The following HMGB1 variants were observed in gnomAD, a reference collection of about 807,000 sequenced individuals.
HMGB1 encodes high mobility group protein B1.
For missense variants in HMGB1, 79 were observed against 253.5 expected (o/e 0.31, Z 4.67); for synonymous variants, 81 against 84.0 (o/e 0.96, Z 0.19).
In HMGB1 at chr13:30,585,750, A is replaced by G. The variant is rs779082694; in HGVS notation, c.-15+30921T>C. ...TCTTTTTTAACATCACAAAGCTCTG[A>G]TATCTGCAGGTTTATGACTAACTAC... On this transcript the variant is annotated intron_variant, in intron 1 of 4. Transcript: ENST00000405805. 1.6e-4 allele frequency among the ~76,000 whole-genome samples: 25 copies of G among 152,182 alleles called. 1 individual carries two copies. Among genetic ancestry groups the G allele is most frequent in the Admixed American group, 4.6e-4 (7 of 15,284 alleles).
intron 1 of HMGB1, among the ~76,000 whole-genome samples, chr13:30,525,246 G>A (rs530830286): frequency 1.3e-5 from 2 of 152,328 alleles, no homozygotes; most frequent in African/African-American, 4.8e-5. Context: ...GACATTGTAT[G>A]TTCCTGATAA....
intron 1 of HMGB1, among the ~76,000 whole-genome samples, chr13:30,470,948 C>CTTATTTATTTAT (rs61370575): frequency 4.6e-5 from 7 of 150,956 alleles, no homozygotes; most frequent in African/African-American, 1.7e-4. Flanking sequence ...CATGCCCAGA[C>CTTATTTATTTAT]TTATTTATTT....
At chr13:30,509,752 A>G (rs1312132970) in intron 1 of HMGB1, among the ~76,000 whole-genome samples, 1 of 152,232 alleles carries the variant, frequency 6.6e-6, no homozygotes, top group Admixed American at 6.5e-5. Flanking sequence ...TTCAACATAT[A>G]TAATGCACTG....
chr13:30,482,326 G>A (rs146802953), intron 1 of HMGB1, among the ~76,000 whole-genome samples: 1 of 152,156 alleles, frequency 6.6e-6, no homozygotes, highest in African/African-American at 2.4e-5. Flanking sequence ...ACACACAAAA[G>A]CAACAGGGAG....
intron 1 of HMGB1, among the ~76,000 whole-genome samples, chr13:30,613,992 C>T (rs1300140342): frequency 1.3e-5 from 2 of 151,458 alleles, no homozygotes; most frequent in African/African-American, 4.9e-5. Context: ...TAAGGAAATA[C>T]CTTAAATAAT....
At chr13:30,498,073 C>T (rs1488486598) in intron 1 of HMGB1, among the ~76,000 whole-genome samples, 1 of 152,148 alleles carries the variant, frequency 6.6e-6, no homozygotes, top group Non-Finnish European at 1.5e-5. Flanking sequence ...ACATTCCTAC[C>T]AGCAGTGTGT....
chr13:30,501,966 TA>T (rs1307083738), intron 1 of HMGB1, among the ~76,000 whole-genome samples: 1 of 152,204 alleles, frequency 6.6e-6, no homozygotes, highest in Non-Finnish European at 1.5e-5. Context: ...GCAGATTGAT[TA>T]AAAGATATAC....
At chr13:30,525,880 A>G (rs1019156469) in intron 1 of HMGB1, among the ~76,000 whole-genome samples, 1 of 151,942 alleles carries the variant, frequency 6.6e-6, no homozygotes, top group Non-Finnish European at 1.5e-5. Context: ...GCCTAACCAT[A>G]TAATGGGGGT....
At chr13:30,525,863 A>G (rs1484800192) in intron 1 of HMGB1, among the ~76,000 whole-genome samples, 8 of 129,316 alleles carry the variant, frequency 6.2e-5, no homozygotes, top group Non-Finnish European at 8.5e-5. Context: ...TTGTGGGGGG[A>G]CACAAAGCCT....
chr13:30,617,121 C>A (rs1410972511), exon 1 of HMGB1: 1 of 152,302 alleles, frequency 6.6e-6, no homozygotes, highest in Non-Finnish European at 1.5e-5. Flanking sequence ...CAAGGCAGGG[C>A]AGCTGGAATT....
At chr13:30,561,646 G>C (rs1393121815) in intron 1 of HMGB1, among the ~76,000 whole-genome samples, 1 of 152,162 alleles carries the variant, frequency 6.6e-6, no homozygotes, top group Non-Finnish European at 1.5e-5. Flanking sequence ...TGGAAGCAGA[G>C]GGCAGACCAC....
chr13:30,509,000 T>G (rs901466803), intron 1 of HMGB1, among the ~76,000 whole-genome samples: 1 of 152,186 alleles, frequency 6.6e-6, no homozygotes, highest in Admixed American at 6.5e-5. Flanking sequence ...AGTGGTGCTA[T>G]CACAGCACAC....
intron 1 of HMGB1, among the ~76,000 whole-genome samples, chr13:30,603,361 A>C (rs1950422276): frequency 6.6e-6 from 1 of 152,062 alleles, no homozygotes; most frequent in South Asian, 2.1e-4. Flanking sequence ...GCAGTTCAAA[A>C]CTGAACTGGG....
chr13:30,469,958 T>G (rs2137417975), upstream of HMGB1, among the ~76,000 whole-genome samples: 1 of 152,180 alleles, frequency 6.6e-6, no homozygotes, highest in African/African-American at 2.4e-5. Flanking sequence ...TTTTATTTTT[T>G]GTAGAGACAA....
intron 1 of HMGB1, among the ~76,000 whole-genome samples, chr13:30,600,091 C>T (rs12431028): frequency 0.048 from 7,304 of 152,242 alleles, 382 homozygotes; most frequent in East Asian, 0.19. Flanking sequence ...GGTAGATAGA[C>T]CACAAAGAGT....
In HMGB1 at chr13:30,461,291, G is replaced by C; in HGVS notation, c.*66C>G. 1.3e-6 allele frequency: 2 copies of C among 1,505,146 alleles called. No individual in the cohort carries two copies. Among genetic ancestry groups the C allele is most frequent in the Non-Finnish European group, 1.8e-6 (2 of 1,130,946 alleles). 93.2% of individuals were successfully genotyped at this position (1,505,146 alleles called of 1,614,324 possible). Reference sequence around the variant, plus strand: ...ATTTCAATTTTTTTCTTTAAAAGGAGTGAGTTGTGTACAGGGGGGTTAAAT... The same window carrying C: ...ATTTCAATTTTTTTCTTTAAAAGGACTGAGTTGTGTACAGGGGGGTTAAAT... On this transcript the variant is annotated 3_prime_UTR_variant, in exon 5 of 5. Coordinates refer to ENST00000341423, the MANE Select transcript of HMGB1 (RefSeq NM_002128.7).
chr13:30,575,704 C>T (rs926112979), intron 1 of HMGB1, among the ~76,000 whole-genome samples: 1 of 152,094 alleles, frequency 6.6e-6, no homozygotes, highest in African/African-American at 2.4e-5. Context: ...TGCTATGTAT[C>T]TAATGTGGGG....
In HMGB1 at chr13:30,486,171, T is replaced by C. The variant is rs375037413; in HGVS notation, c.-14-22477A>G. On this transcript the variant is annotated intron_variant, in intron 1 of 4. Transcript: ENST00000405805. ...TGAGGCTGACATGGTACAGCAACAA[T>C]GTTCTCTCACAGAATGGCCCTTTGC... Among the ~76,000 whole-genome samples the C allele has an allele frequency of 3.9e-5, 6 of 152,178 alleles. No individual in the cohort carries two copies. In the East Asian group the frequency reaches 1.2e-3, roughly 29 times the overall value.
chr13:30,604,992 T>C (rs1378779063), intron 1 of HMGB1, among the ~76,000 whole-genome samples: 1 of 152,098 alleles, frequency 6.6e-6, no homozygotes, highest in Non-Finnish European at 1.5e-5. Context: ...CCATATTCGC[T>C]GAGGGATTAA....
Sources: allele counts gnomAD v4.1 joint callset (sites outside exome capture counted in the v4.1 genomes callset), GRCh38; gene constraint gnomAD v4.1.1; transcripts MANE v1.5; gene names NCBI Gene and HGNC (gene_info 2026-07-23, HGNC 2026-07-21).